The following ANK2 variants were observed in gnomAD, a reference collection of about 807,000 sequenced individuals.
ANK2 encodes ankyrin-2.
Under a neutral mutation model 360.5 loss-of-function variants are expected in ANK2, and 83 were observed. The ratio of observed to expected loss-of-function variants is 0.23; its 90% CI spans 0.19 to 0.28. ANK2 has a LOEUF of 0.28. Ranked by LOEUF, ANK2 falls within the 10% of genes least tolerant of loss-of-function variation. ANK2 has a pLI of 1.00. For synonymous variants in ANK2, 1,740 were observed against 1,759.5 expected, an observed-to-expected ratio of 0.99 and a Z score of 0.28; for missense variants, 4,201 against 4,795.7, an observed-to-expected ratio of 0.88 and a Z score of 3.66.
At chr4:112,711,723 G>A in the ANK2 span, among the ~76,000 whole-genome samples, 2 of 151,910 alleles carry the variant, frequency 1.3e-5, no homozygotes, top group Non-Finnish European at 2.9e-5. Context: ...GGGAGGCTGA[G>A]GCAGGAGAAT....
At chr4:113,330,580 A>G (rs2153927744) in intron 27 of ANK2, 110 bp downstream of exon 27, 2 of 1,082,834 alleles carry the variant, frequency 1.8e-6, no homozygotes, top group Admixed American at 4.2e-5. Context: ...TTGAAAGAGG[A>G]TCAGCACCAA....
rs56173868 is a variant in ANK2 at position 113,333,084 on chromosome 4, G to A, written c.3255G>A (p.Ala1085=). The stretch of plus-strand genomic sequence containing the variant: ...TGATCGTGGAGATCCCTCACTTTGC[G>A]GCCCTTCGAGGAAAGGAAAGGGAAC... ...GPVIVEIPHF[A]ALRGKERELV... Residue 1085 remains alanine, a synonymous_variant, in exon 29 of 46, where the codon GCG becomes GCA. Transcript: ENST00000357077. 3.2e-5 allele frequency: 51 copies of A among 1,614,092 alleles called. No individual in the cohort carries two copies. Among genetic ancestry groups the A allele is most frequent in the Non-Finnish European group, 3.5e-5 (41 of 1,180,012 alleles).
intron 1 of ANK2, among the ~76,000 whole-genome samples, chr4:112,901,666 G>A (rs1007654678): frequency 2.6e-5 from 4 of 151,988 alleles, no homozygotes; most frequent in African/African-American, 9.7e-5. Flanking sequence ...TTCGAGACCA[G>A]CCTGACCAAC....
chr4:113,204,255 T>C (rs1301791873), intron 4 of ANK2, among the ~76,000 whole-genome samples: 2 of 151,784 alleles, frequency 1.3e-5, no homozygotes, highest in Non-Finnish European at 1.5e-5. Flanking sequence ...ATATAATGTA[T>C]ATTTTTACAT....
intron 2 of ANK2, among the ~76,000 whole-genome samples, chr4:112,919,177 C>T (rs1238263479): frequency 6.6e-6 from 1 of 152,058 alleles, no homozygotes; most frequent in African/African-American, 2.4e-5. Flanking sequence ...TTGGCAATAG[C>T]ATCTTTTGTA....
chr4:113,355,143 CACA>C lies in ANK2; in HGVS notation c.6529_6531del (p.Thr2177del), dbSNP rs749429192. ...ACCAAGTACTCACTAGTCCTTTCAA[CACA>C]ACATTTCCACTCGACTACATGAAAG... On this transcript the variant is annotated inframe_deletion, in exon 38 of 46. Coordinates refer to ENST00000357077, the MANE Select transcript of ANK2 (RefSeq NM_001148.6). 1.8e-5 allele frequency: 29 copies of C among 1,614,146 alleles called. No individual in the cohort carries two copies. The South Asian group carries it at 2.2e-4, about 12-fold the overall frequency.
At chr4:113,179,063 G>A (rs1209332012) in intron 2 of ANK2, among the ~76,000 whole-genome samples, 1 of 152,086 alleles carries the variant, frequency 6.6e-6, no homozygotes, top group African/African-American at 2.4e-5. Flanking sequence ...CCACCACCAG[G>A]ATTTCTACTA....
At chr4:113,211,384 T>C (rs570722140) in intron 4 of ANK2, among the ~76,000 whole-genome samples, 1 of 152,346 alleles carries the variant, frequency 6.6e-6, no homozygotes, top group African/African-American at 2.4e-5. Flanking sequence ...GCTTGCATTT[T>C]GGAGTAAGTC....
chr4:113,181,382 T>C (rs769575175), intron 2 of ANK2, among the ~76,000 whole-genome samples: 1 of 152,174 alleles, frequency 6.6e-6, no homozygotes, highest in Non-Finnish European at 1.5e-5. Flanking sequence ...TCTTAGATAG[T>C]AGAATCGCAG....
intron 1 of ANK2, among the ~76,000 whole-genome samples, chr4:112,899,630 T>C (rs1197272996): frequency 6.6e-6 from 1 of 152,214 alleles, no homozygotes; most frequent in African/African-American, 2.4e-5. Context: ...ATTTCTAATA[T>C]CCATCACATC....
the ANK2 span, among the ~76,000 whole-genome samples, chr4:112,795,336 C>T: frequency 3.3e-5 from 5 of 152,112 alleles, no homozygotes; most frequent in African/African-American, 1.2e-4. Context: ...ACTAGCCCTT[C>T]GTTCCAGGGA....
Position 113,330,436 on chromosome 4 carries a change from A to G in ANK2, c.3091A>G (p.Ile1031Val). The G allele has an allele frequency of 6.2e-7, 1 of 1,614,234 alleles. No individual in the cohort carries two copies. Among genetic ancestry groups the G allele is most frequent in the Non-Finnish European group, 8.5e-7 (1 of 1,180,038 alleles). ...VEGEGLASRL[I>V]EVGPSGAQFL... Reference sequence around the variant, plus strand: ...AGGAGAAGGCCTGGCCAGTCGCCTGATCGAAGTTGGACCTTCTGGTGCTCA... The same window carrying G: ...AGGAGAAGGCCTGGCCAGTCGCCTGGTCGAAGTTGGACCTTCTGGTGCTCA... The change falls in exon 27 of 46, where the codon ATC becomes GTC. Residue 1031 changes from isoleucine (I) to valine (V), a missense_variant. Coordinates refer to ENST00000357077, the MANE Select transcript of ANK2 (RefSeq NM_001148.6).
intron 2 of ANK2, among the ~76,000 whole-genome samples, chr4:112,937,579 C>T (rs534597585): frequency 2.6e-5 from 4 of 152,292 alleles, no homozygotes; most frequent in South Asian, 2.1e-4. Context: ...CCACCCGCCT[C>T]GGCCTCCCAA....
chr4:113,019,884 G>T (rs1292684796), intron 2 of ANK2, among the ~76,000 whole-genome samples: 2 of 151,494 alleles, frequency 1.3e-5, no homozygotes, highest in African/African-American at 4.8e-5. Context: ...ACCTAGGCTA[G>T]GAAGGGATTA....
intron 1 of ANK2, among the ~76,000 whole-genome samples, chr4:112,848,854 G>A (rs568192764): frequency 3.3e-5 from 5 of 152,268 alleles, no homozygotes; most frequent in South Asian, 4.1e-4. Flanking sequence ...CATTTCCTTG[G>A]CTTTGACTTA....
chr4:112,887,969 A>G (rs751696998), intron 1 of ANK2, among the ~76,000 whole-genome samples: 18 of 152,092 alleles, frequency 1.2e-4, no homozygotes, highest in Non-Finnish European at 2.1e-4. Context: ...ATGATAATTT[A>G]TTTTAAGCCA....
chr4:113,159,672 G>A (rs1206288412), intron 1 of ANK2, among the ~76,000 whole-genome samples: 3 of 151,686 alleles, frequency 2.0e-5, no homozygotes, highest in Admixed American at 6.6e-5. Context: ...GCAGTGGCAC[G>A]ATCTCGGCTC....
rs541591006 is a variant in ANK2 at position 112,958,526 on chromosome 4, C to T, written c.21+54012C>T. 8.1e-3 allele frequency among the ~76,000 whole-genome samples: 1,226 copies of T among 152,168 alleles called. 17 individuals carry two copies. Among genetic ancestry groups the T allele is most frequent in the African/African-American group, 0.027 (1,130 of 41,516 alleles). ...GGAGAATCAGGCAGGGAGGCTGCAG[C>T]GAGCCGAGATGGCAGCAGTACAGTC... On this transcript the variant is annotated intron_variant, in intron 2 of 30. Coordinates refer to the ANK2 transcript ENST00000503271.
intron 41 of ANK2, among the ~76,000 whole-genome samples, chr4:113,366,391 C>CTTTTTTTTTTTTTTTT (rs58588518): frequency 2.8e-5 from 3 of 108,346 alleles, no homozygotes; most frequent in Admixed American, 9.7e-5. Flanking sequence ...TTCTTGCTTC[C>CTTTTTTTTTTTTTTTT]TTTTTTTTTT....
Sources: allele counts gnomAD v4.1 joint callset (sites outside exome capture counted in the v4.1 genomes callset), GRCh38; gene constraint gnomAD v4.1.1; transcripts MANE v1.5; gene names NCBI Gene and HGNC (gene_info 2026-07-23, HGNC 2026-07-21).